The following ODAD2 variants were observed in gnomAD, a reference collection of about 807,000 sequenced individuals.
ODAD2 encodes the protein outer dynein arm-docking complex subunit 2.
In ODAD2, 89 loss-of-function variants were observed where a neutral mutation model predicts 106.8. The observed-to-expected ratio is 0.83, with a 90% confidence interval of 0.70 to 0.99. The LOEUF (loss-of-function observed/expected upper bound fraction) is 0.99. ODAD2 is among the 50% of genes least tolerant of loss of function. ODAD2 has a pLI of 0.00. For missense variants in ODAD2, 1,168 were observed against 1,238.5 expected, an observed-to-expected ratio of 0.94 and a Z score of 0.85; for synonymous variants, 404 against 436.2, an observed-to-expected ratio of 0.93 and a Z score of 0.92.
intron 16 of ODAD2, among the ~76,000 whole-genome samples, chr10:27,913,386 G>T (rs1844144102): frequency 6.6e-6 from 1 of 151,936 alleles, no homozygotes; most frequent in Non-Finnish European, 1.5e-5. Flanking sequence ...TGCGGTATTT[G>T]GTTTTCTATC....
At chr10:27,894,369 T>G (rs2133739236) in intron 17 of ODAD2, among the ~76,000 whole-genome samples, 1 of 152,230 alleles carries the variant, frequency 6.6e-6, no homozygotes, top group South Asian at 2.1e-4. Flanking sequence ...ACATGTATCT[T>G]TGGTCATATT....
chr10:27,947,670 G>C (rs1847033436), intron 10 of ODAD2, among the ~76,000 whole-genome samples: 1 of 152,132 alleles, frequency 6.6e-6, no homozygotes, highest in Non-Finnish European at 1.5e-5. Context: ...CCTATATTAA[G>C]GGTTTGGAAA....
chr10:27,889,948 GGAAA>G (rs1842454767), intron 17 of ODAD2, among the ~76,000 whole-genome samples: 1 of 152,122 alleles, frequency 6.6e-6, no homozygotes, highest in Non-Finnish European at 1.5e-5. Context: ...CAGGTACCAT[GGAAA>G]GAAAGAGAGT....
In ODAD2 at chr10:27,936,903, G is replaced by T. The variant is rs1219518837; in HGVS notation, c.2098-23C>A. Reference sequence around the variant, plus strand: ...ACACTGCACGAAAAGTCAGACAGAGGCTGTCAGTCATCAAGGAATATCAAG... The same window carrying T: ...ACACTGCACGAAAAGTCAGACAGAGTCTGTCAGTCATCAAGGAATATCAAG... On this transcript the variant is annotated intron_variant, in intron 14 of 19. Transcript: ENST00000305242. 4 of 1,576,892 alleles carry T rather than the reference G, an allele frequency of 2.5e-6. No homozygotes were observed. In the South Asian group the frequency reaches 4.7e-5, roughly 19 times the overall value.
At chr10:27,885,106 A>C (rs1394999414) in intron 17 of ODAD2, among the ~76,000 whole-genome samples, 1 of 152,172 alleles carries the variant, frequency 6.6e-6, no homozygotes, top group African/African-American at 2.4e-5. Context: ...TTACTAGACA[A>C]AGATGTTAAA....
intron 10 of ODAD2, among the ~76,000 whole-genome samples, chr10:27,959,900 G>A (rs1848005627): frequency 1.3e-5 from 2 of 152,064 alleles, no homozygotes; most frequent in South Asian, 4.1e-4. Flanking sequence ...TTATTATTAT[G>A]AGCCAGAATA....
intron 12 of ODAD2, among the ~76,000 whole-genome samples, chr10:27,943,377 T>G (rs1199912667): frequency 7.0e-6 from 1 of 143,070 alleles, no homozygotes; most frequent in South Asian, 2.1e-4. Context: ...TTTCTAGTGG[T>G]TTTTTTTAAA....
intron 17 of ODAD2, among the ~76,000 whole-genome samples, chr10:27,905,906 T>C (rs1194782225): frequency 6.6e-6 from 1 of 152,032 alleles, no homozygotes; most frequent in African/African-American, 2.4e-5. Context: ...CCTAAAACCA[T>C]AAAAACCCTG....
intron 2 of ODAD2, among the ~76,000 whole-genome samples, chr10:27,993,200 C>G (rs1428536476): frequency 1.3e-5 from 2 of 152,076 alleles, no homozygotes; most frequent in African/African-American, 4.8e-5. Context: ...CAGGTGTGAG[C>G]CACCATGATC....
chr10:27,925,714 C>G (rs1442770914), intron 16 of ODAD2, among the ~76,000 whole-genome samples: 1 of 152,126 alleles, frequency 6.6e-6, no homozygotes, highest in Non-Finnish European at 1.5e-5. Flanking sequence ...AATACATACA[C>G]TTTAAACCTA....
chr10:27,962,371 A>G (rs1272351060), intron 9 of ODAD2, among the ~76,000 whole-genome samples: 1 of 152,242 alleles, frequency 6.6e-6, no homozygotes, highest in African/African-American at 2.4e-5. Context: ...CCTCGTGGTT[A>G]CCACACTGGA....
intron 19 of ODAD2, among the ~76,000 whole-genome samples, chr10:27,832,049 T>G (rs1315586432): frequency 4.6e-5 from 7 of 152,244 alleles, no homozygotes; most frequent in Non-Finnish European, 8.8e-5. Context: ...CATACTTTCA[T>G]CTTTGTATCT....
intron 1 of ODAD2, among the ~76,000 whole-genome samples, chr10:27,996,452 G>A (rs1850563061): frequency 6.6e-6 from 1 of 152,170 alleles, no homozygotes; most frequent in Non-Finnish European, 1.5e-5. Context: ...AACATGATAG[G>A]AAAGGGGGCA....
intron 16 of ODAD2, among the ~76,000 whole-genome samples, chr10:27,923,058 A>G (rs1844905204): frequency 6.6e-6 from 1 of 152,178 alleles, no homozygotes; most frequent in Non-Finnish European, 1.5e-5. Context: ...CTTTCTAAAG[A>G]ACAACAAATT....
chr10:27,937,779 G>A (rs551604238), intron 14 of ODAD2, among the ~76,000 whole-genome samples: 4 of 152,206 alleles, frequency 2.6e-5, no homozygotes, highest in South Asian at 2.1e-4. Context: ...TCTTCTGCAC[G>A]TGATTTTCAA....
intron 17 of ODAD2, among the ~76,000 whole-genome samples, chr10:27,878,179 T>C (rs1214876394): frequency 6.6e-6 from 1 of 152,178 alleles, no homozygotes. Flanking sequence ...AGAAAGAGAA[T>C]ATGAAATGCC....
chr10:27,903,448 G>A (rs1490373987), intron 17 of ODAD2, among the ~76,000 whole-genome samples: 15 of 152,094 alleles, frequency 9.9e-5, no homozygotes, highest in East Asian at 1.9e-4. Flanking sequence ...AGTTCTGGCC[G>A]GGGCAATCAG....
intron 7 of ODAD2, 32 bp downstream of exon 7, chr10:27,981,434 T>C: frequency 6.8e-7 from 1 of 1,461,412 alleles, no homozygotes. Flanking sequence ...AACATAATGC[T>C]ATGAAAGCTC....
At chr10:27,977,432 T>C (rs922229760) in intron 7 of ODAD2, among the ~76,000 whole-genome samples, 12 of 148,282 alleles carry the variant, frequency 8.1e-5, no homozygotes, top group Admixed American at 8.1e-4. Flanking sequence ...CCAGGCGCGG[T>C]GGCGGGCGCC....
Sources: gnomAD v4.1 joint callset for allele counts (sites outside exome capture counted in the v4.1 genomes callset) on GRCh38, gnomAD v4.1.1 for gene constraint, MANE v1.5 for transcripts, NCBI Gene and HGNC (gene_info 2026-07-23, HGNC 2026-07-21) for gene names.